HS3ST3B1: variants seen among roughly 807,000 people sequenced by gnomAD.
HS3ST3B1 encodes heparan sulfate glucosamine 3-O-sulfotransferase 3B1.
In HS3ST3B1, 13 loss-of-function variants were observed where a neutral mutation model predicts 21.3. That is an observed-to-expected ratio of 0.61 (90% CI 0.40 to 0.97). HS3ST3B1 has a LOEUF of 0.97. Ranked by LOEUF, HS3ST3B1 falls within the 50% of genes least tolerant of loss-of-function variation. The pLI, the probability that HS3ST3B1 is intolerant of heterozygous loss-of-function variation, is 0.00. For missense variants in HS3ST3B1, 459 were observed against 554.8 expected (o/e 0.83, Z 1.73); for synonymous variants, 234 against 254.8 (o/e 0.92, Z 0.78).
At chr17:14,310,104 A>G (rs1909260802) in intron 1 of HS3ST3B1, among the ~76,000 whole-genome samples, 1 of 152,170 alleles carries the variant, frequency 6.6e-6, no homozygotes, top group South Asian at 2.1e-4. Flanking sequence ...CTTCATTTCC[A>G]TAATTTGGCC....
chr17:14,325,609 CAGCG>C (rs1909785547), intron 1 of HS3ST3B1, among the ~76,000 whole-genome samples: 1 of 152,218 alleles, frequency 6.6e-6, no homozygotes, highest in African/African-American at 2.4e-5. Context: ...GTCAGATAAT[CAGCG>C]AGCGTGCTCT....
rs940610995 is a variant in HS3ST3B1 at position 14,347,895 on chromosome 17, C to T, written c.*2249C>T. 1 of 152,150 alleles carries T rather than the reference C, an allele frequency of 6.6e-6. No individual in the cohort carries two copies. The highest frequency in any genetic ancestry group is 1.5e-5 in the Non-Finnish European group (1 of 68,046). 9.4% of individuals were successfully genotyped at this position (152,150 alleles called of 1,614,324 possible). ...TACCAGAATCATAGCGTGGTTCTGC[C>T]TTCTTGATGAGTGATTGTGAAAAAC... On this transcript the variant is annotated 3_prime_UTR_variant, in exon 2 of 2. Transcript: ENST00000360954.
At chr17:14,332,461 G>A (rs866579191) in intron 1 of HS3ST3B1, among the ~76,000 whole-genome samples, 1 of 151,648 alleles carries the variant, frequency 6.6e-6, no homozygotes, top group Admixed American at 6.6e-5. Flanking sequence ...TTTGCTTCTT[G>A]GAAGCATCCT....
intron 1 of HS3ST3B1, among the ~76,000 whole-genome samples, chr17:14,335,924 A>T (rs1431488945): frequency 6.6e-6 from 1 of 152,230 alleles, no homozygotes; most frequent in African/African-American, 2.4e-5. Context: ...TGCATTTGTC[A>T]AAATTCTTGG....
rs1567634118 is a variant in HS3ST3B1, at chr17:14,302,008, CGCGCCGTGG to C, written c.497_505del (p.Val166_Ala168del). The stretch of plus-strand genomic sequence containing the variant: ...GTTTCTGCGCGTGCACCCCGACGTG[CGCGCCGTGG>C]GCGCCGAGCCCCATTTCTTCGATCG... On this transcript the variant is annotated inframe_deletion, in exon 1 of 2. Coordinates refer to ENST00000360954, the MANE Select transcript of HS3ST3B1 (RefSeq NM_006041.3). 4 of 1,608,982 alleles carry C rather than the reference CGCGCCGTGG, an allele frequency of 2.5e-6. No individual in the cohort carries two copies. The highest frequency in any genetic ancestry group is 2.5e-6 in the Non-Finnish European group (3 of 1,179,122).
intron 1 of HS3ST3B1, among the ~76,000 whole-genome samples, chr17:14,337,630 C>T (rs573046719): frequency 6.6e-6 from 1 of 151,710 alleles, no homozygotes; most frequent in East Asian, 1.9e-4. Context: ...AGCCATTGCA[C>T]CTGACCTGCC....
chr17:14,345,421 C>T lies in HS3ST3B1; in HGVS notation c.948C>T (p.Gly316=). The change falls in exon 2 of 2, where the codon GGC becomes GGT. Residue 316 remains glycine, a synonymous_variant. Coordinates refer to ENST00000360954, the MANE Select transcript of HS3ST3B1 (RefSeq NM_006041.3). ...GELGRVQDFL[G]LKRIITDKHF... is the part of the protein sequence containing the mutation. The stretch of plus-strand genomic sequence containing the variant: ...TGGGCCGCGTGCAAGACTTCCTGGG[C>T]CTCAAGAGGATCATCACGGACAAGC... The T allele has an allele frequency of 1.5e-6, 2 of 1,304,806 alleles. No individual in the cohort carries two copies. The highest frequency in any genetic ancestry group is 2.2e-6 in the Non-Finnish European group (2 of 926,934). 80.8% of individuals were successfully genotyped at this position (1,304,806 alleles called of 1,614,324 possible). A position where few individuals can be genotyped will look rare whatever the true frequency, so the allele number is the denominator to read the frequency against.
At chr17:14,313,095 T>G (rs993845137) in intron 1 of HS3ST3B1, among the ~76,000 whole-genome samples, 2 of 109,634 alleles carry the variant, frequency 1.8e-5, no homozygotes, top group Non-Finnish European at 3.6e-5. Context: ...GTGTGTGTGG[T>G]GTGTGTGTGT....
rs184443129 is a variant in HS3ST3B1, at chr17:14,302,161, G to C, written c.554+89G>C. The C allele has an allele frequency of 1.1e-3, 1,525 of 1,443,980 alleles. 29 individuals carry two copies. The South Asian group carries it at 0.017, about 16-fold the overall frequency. 89.4% of individuals were successfully genotyped at this position (1,443,980 alleles called of 1,614,324 possible). ...TGGCGTATGATAGGGAATTGGCAGGGTTACAGCTTCGGACCACCCGGGGTA... is the reference window on the plus strand; with the variant it reads ...TGGCGTATGATAGGGAATTGGCAGGCTTACAGCTTCGGACCACCCGGGGTA... On this transcript the variant is annotated intron_variant, in intron 1 of 1. Coordinates refer to ENST00000360954, the MANE Select transcript of HS3ST3B1 (RefSeq NM_006041.3).
chr17:14,309,031 C>G (rs1909216963), intron 1 of HS3ST3B1, among the ~76,000 whole-genome samples: 2 of 152,350 alleles, frequency 1.3e-5, no homozygotes, highest in South Asian at 2.1e-4. Flanking sequence ...AGAGCCGCCC[C>G]CCTTTTTCAG....
chr17:14,313,128 G>GTATATATATATATATACATATATATA (rs1831725209), intron 1 of HS3ST3B1, among the ~76,000 whole-genome samples: 51 of 54,304 alleles, frequency 9.4e-4, no homozygotes, highest in South Asian at 6.5e-3. Flanking sequence ...ATATATGTGT[G>GTATATATATATATATACATATATATA]TGTGTGTATA....
At chr17:14,317,974 A>T (rs1909549470) in intron 1 of HS3ST3B1, among the ~76,000 whole-genome samples, 1 of 152,150 alleles carries the variant, frequency 6.6e-6, no homozygotes, top group Non-Finnish European at 1.5e-5. Context: ...GGGTGATTCG[A>T]GTAAGGCTCC....
rs200001855 is a variant in HS3ST3B1 at position 14,345,005 on chromosome 17, G to C, written c.555-23G>C. 3.3e-5 allele frequency: 53 copies of C among 1,604,164 alleles called. 1 individual carries two copies. In the African/African-American group the frequency reaches 6.8e-4, roughly 21 times the overall value. ...AGAGAGGCGTCACCTTCTGATCCCGGTTTGTTTGCTTGCGTTTCTCAGGGA... is the reference window on the plus strand; with the variant it reads ...AGAGAGGCGTCACCTTCTGATCCCGCTTTGTTTGCTTGCGTTTCTCAGGGA... On this transcript the variant is annotated intron_variant, in intron 1 of 1. Transcript: ENST00000360954.
intron 1 of HS3ST3B1, among the ~76,000 whole-genome samples, chr17:14,324,666 C>T (rs1056343890): frequency 6.6e-6 from 1 of 152,128 alleles, no homozygotes; most frequent in African/African-American, 2.4e-5. Context: ...CAGGCTAGAG[C>T]ACAATGGTGT....
At chr17:14,329,695 C>T (rs1175317328) in intron 1 of HS3ST3B1, among the ~76,000 whole-genome samples, 1 of 152,178 alleles carries the variant, frequency 6.6e-6, no homozygotes, top group Non-Finnish European at 1.5e-5. Context: ...TCTCCAACAT[C>T]CTACAGGGGC....
At chr17:14,333,885 C>A (rs1322582605) in intron 1 of HS3ST3B1, among the ~76,000 whole-genome samples, 1 of 152,176 alleles carries the variant, frequency 6.6e-6, no homozygotes. Context: ...GCCTCAGCCT[C>A]CCCAGTAGCT....
chr17:14,322,639 G>T (rs961267434), intron 1 of HS3ST3B1, among the ~76,000 whole-genome samples: 1 of 152,198 alleles, frequency 6.6e-6, no homozygotes, highest in African/African-American at 2.4e-5. Flanking sequence ...ATTGCAGGCA[G>T]AGTGTTTGGG....
At chr17:14,319,095 G>A (rs1187069178) in intron 1 of HS3ST3B1, among the ~76,000 whole-genome samples, 2 of 152,200 alleles carry the variant, frequency 1.3e-5, no homozygotes, top group Non-Finnish European at 2.9e-5. Context: ...AGAAGCTCAG[G>A]TGCGGAGAGA....
intron 1 of HS3ST3B1, among the ~76,000 whole-genome samples, chr17:14,331,801 A>G (rs776859027): frequency 7.2e-5 from 11 of 152,066 alleles, no homozygotes; most frequent in Non-Finnish European, 1.5e-4. Flanking sequence ...ATCTCCCCCA[A>G]ATGGAGATAA....
Sources: allele counts gnomAD v4.1 joint callset (sites outside exome capture counted in the v4.1 genomes callset), GRCh38; gene constraint gnomAD v4.1.1; transcripts MANE v1.5; gene names NCBI Gene and HGNC (gene_info 2026-07-23, HGNC 2026-07-21).